Variants in ADAD1 observed in about 807,000 individuals in gnomAD.
The protein encoded by ADAD1 is adenosine deaminase domain containing 1, also known as adenosine deaminase domain-containing protein 1.
In ADAD1, 46 loss-of-function variants were observed where a neutral mutation model predicts 66.8. The ratio of observed to expected loss-of-function variants is 0.69; its 90% CI spans 0.54 to 0.88. The LOEUF (loss-of-function observed/expected upper bound fraction) is 0.88, where lower values mean the gene tolerates loss of function less well. Among genes scored for constraint, ADAD1 ranks in the 40% least tolerant of loss-of-function variants. The probability of loss-of-function intolerance (pLI) is 0.00; values close to 1 mark genes in which losing one functional copy is unlikely to be tolerated. For synonymous variants in ADAD1, 248 were observed against 229.4 expected (o/e 1.08, Z -0.73); for missense variants, 617 against 681.8 (o/e 0.91, Z 1.06).
At chr4:122,396,428 T>C in intron 7 of ADAD1, 51 bp downstream of exon 7, 1 of 1,436,028 alleles carries the variant, frequency 7.0e-7, no homozygotes, top group Non-Finnish European at 9.3e-7. Flanking sequence ...CTAATAGTAA[T>C]ATTTTAGTTA....
chr4:122,389,599 C>T (rs1055904358), intron 5 of ADAD1, among the ~76,000 whole-genome samples: 6 of 152,178 alleles, frequency 3.9e-5, no homozygotes, highest in African/African-American at 1.4e-4. Context: ...TTTCCCTTTA[C>T]CATTAGGTAA....
At position 122,413,572 on chromosome 4, in the gene ADAD1, G is replaced by A. The variant is rs115162344; in HGVS notation, c.1249+763G>A. On this transcript the variant is annotated intron_variant, in intron 10 of 12. Transcript: ENST00000296513. ...GTACTTCAAAAATGTTTGTCCAGAA[G>A]TTATTTCCATCCAGAGGTCCTTTTC... Among the ~76,000 whole-genome samples the A allele has an allele frequency of 7.3e-4, 111 of 152,014 alleles. 1 individual carries two copies. Among genetic ancestry groups the A allele is most frequent in the African/African-American group, 2.5e-3 (103 of 41,528 alleles).
intron 5 of ADAD1, among the ~76,000 whole-genome samples, chr4:122,390,599 A>C (rs997864342): frequency 1.3e-5 from 2 of 152,124 alleles, no homozygotes; most frequent in African/African-American, 2.4e-5. Context: ...TATTTCAGTA[A>C]GGTGGTCTTC....
Position 122,412,037 on chromosome 4 carries a change from C to T in ADAD1, c.1020-543C>T, listed in dbSNP as rs1236770208. Among the ~76,000 whole-genome samples, 6 of 152,092 alleles carry T rather than the reference C, an allele frequency of 3.9e-5. No individual in the cohort carries two copies. The South Asian group carries it at 6.2e-4, about 16-fold the overall frequency. On this transcript the variant is annotated intron_variant, in intron 9 of 12. Transcript: ENST00000296513. ...TAGCATAACATTTAAACAGTACAAACAAGAACAAAGAAGACAGTAAAAGTC... is the reference window on the plus strand; with the variant it reads ...TAGCATAACATTTAAACAGTACAAATAAGAACAAAGAAGACAGTAAAAGTC...
At chr4:122,383,684 G>A (rs1199720252) in intron 4 of ADAD1, 115 bp from the exon 5 acceptor site, 12 of 1,188,128 alleles carry the variant, frequency 1.0e-5, no homozygotes, top group Middle Eastern at 2.7e-4. Flanking sequence ...TAAAGTTGGT[G>A]TTTATGAGGT....
intron 7 of ADAD1, among the ~76,000 whole-genome samples, chr4:122,405,888 A>C (rs927477112): frequency 6.6e-6 from 1 of 152,138 alleles, no homozygotes; most frequent in Non-Finnish European, 1.5e-5. Flanking sequence ...AGGTTCATTC[A>C]TATTGTTGAA....
intron 4 of ADAD1, among the ~76,000 whole-genome samples, chr4:122,382,094 G>A (rs1794924881): frequency 6.6e-6 from 1 of 152,204 alleles, no homozygotes; most frequent in Non-Finnish European, 1.5e-5. Flanking sequence ...AATGTAGAAG[G>A]TGGACTTAAT....
chr4:122,413,162 T>C (rs1796546697), intron 10 of ADAD1, among the ~76,000 whole-genome samples: 1 of 152,162 alleles, frequency 6.6e-6, no homozygotes, highest in South Asian at 2.1e-4. Flanking sequence ...GTGAAGCTTA[T>C]TTCTGAGGCC....
chr4:122,417,533 CAA>C (rs1256440543), intron 11 of ADAD1, among the ~76,000 whole-genome samples: 2 of 151,848 alleles, frequency 1.3e-5, no homozygotes, highest in Admixed American at 1.3e-4. Context: ...TTATAGATGA[CAA>C]GAGGAAAGGA....
rs1037147772 is a variant in ADAD1, at chr4:122,381,164, G to C, written c.345G>C (p.Lys115Asn). The C allele has an allele frequency of 1.9e-6, 3 of 1,559,070 alleles. No individual in the cohort carries two copies. Among genetic ancestry groups the C allele is most frequent in the Non-Finnish European group, 2.6e-6 (3 of 1,164,206 alleles). Residue 115 changes from lysine to asparagine, a missense_variant, in exon 4 of 13, where the codon AAG (lysine) becomes AAC (asparagine). Lys to Asn is a moderately conservative substitution (Grantham distance 94, BLOSUM62 0). Coordinates refer to ENST00000296513, the MANE Select transcript of ADAD1 (RefSeq NM_139243.4). ...TGCAGCGAGTTCAGCTTGACCTTAA[G>C]GAAACTGTGACAACAGGCAAGTGTA... ...AQMQRVQLDL[K>N]ETVTTGNVMG... is the part of the protein sequence containing the mutation.
chr4:122,395,664 C>CAA (rs57013887), intron 6 of ADAD1, among the ~76,000 whole-genome samples: 63 of 137,238 alleles, frequency 4.6e-4, no homozygotes, highest in African/African-American at 1.2e-3. Context: ...GACTCCATCT[C>CAA]AAAAAAAAAA....
chr4:122,429,519 TTTGA>T (rs1395152483), intron 12 of ADAD1, 103 bp from the exon 13 acceptor site: 12 of 627,008 alleles, frequency 1.9e-5, no homozygotes, highest in Non-Finnish European at 5.4e-6. Flanking sequence ...TAAAAAAGAC[TTTGA>T]TTAACTTTTT....
At position 122,381,055 on chromosome 4, in the gene ADAD1, C is replaced by CA. The variant is rs746068816; in HGVS notation, c.244dup (p.Ile82AsnfsTer3). The CA allele has an allele frequency of 2.2e-5, 35 of 1,596,140 alleles. No homozygotes were observed. The highest frequency in any genetic ancestry group is 1.6e-4 in the Admixed American group (9 of 54,902). ...TCTATTTCAAATCCTGTCCTTCCTC[C>CA]AAAAAAAATACCTAAGGAATTTATA... On this transcript the variant is annotated frameshift_variant, in exon 4 of 13. Coordinates refer to ENST00000296513, the MANE Select transcript of ADAD1 (RefSeq NM_139243.4). LOFTEE classifies it high-confidence loss of function.
chr4:122,412,495 G>C, intron 9 of ADAD1, 85 bp from the exon 10 acceptor site: 1 of 1,112,376 alleles, frequency 9.0e-7, no homozygotes, highest in Non-Finnish European at 1.3e-6. Context: ...AGTTAAACAT[G>C]TTACAGAACA....
chr4:122,381,448 T>C (rs1352496489), intron 4 of ADAD1, among the ~76,000 whole-genome samples: 1 of 152,182 alleles, frequency 6.6e-6, no homozygotes, highest in Non-Finnish European at 1.5e-5. Context: ...TATTTTGGGG[T>C]GTAATTACTT....
chr4:122,427,523 CTTTTTTTTT>C (rs59864757), intron 12 of ADAD1, among the ~76,000 whole-genome samples: 4 of 71,982 alleles, frequency 5.6e-5, no homozygotes, highest in African/African-American at 1.1e-4. Context: ...ATCCAAAGGC[CTTTTTTTTT>C]TTTTTTTTTT....
At chr4:122,423,421 G>T (rs1190547377) in intron 12 of ADAD1, among the ~76,000 whole-genome samples, 1 of 152,184 alleles carries the variant, frequency 6.6e-6, no homozygotes, top group South Asian at 2.1e-4. Flanking sequence ...CTCATGTGCA[G>T]GGAATACCCA....
chr4:122,414,186 C>T (rs1230441982), intron 10 of ADAD1, among the ~76,000 whole-genome samples: 6 of 144,142 alleles, frequency 4.2e-5, no homozygotes, highest in East Asian at 2.0e-4. Flanking sequence ...AAAGCATCTA[C>T]GTAAACAATT....
At chr4:122,418,721 A>G (rs1325574760) in intron 11 of ADAD1, among the ~76,000 whole-genome samples, 1 of 152,176 alleles carries the variant, frequency 6.6e-6, no homozygotes, top group Admixed American at 6.5e-5. Context: ...TAAAAAGCAG[A>G]TAATTCCACT....
Sources: gnomAD v4.1 joint callset for allele counts (sites outside exome capture counted in the v4.1 genomes callset) on GRCh38, gnomAD v4.1.1 for gene constraint, MANE v1.5 for transcripts, NCBI Gene and HGNC (gene_info 2026-07-23, HGNC 2026-07-21) for gene names.